SLC39A11: variants seen among roughly 807,000 people sequenced by gnomAD.
SLC39A11 encodes solute carrier family 39 member 11.
SLC39A11 carries 33 observed loss-of-function variants against 36.1 expected under a neutral mutation model. That is an observed-to-expected ratio of 0.91 (90% CI 0.69 to 1.22). The LOEUF (loss-of-function observed/expected upper bound fraction) is 1.22, where lower values mean the gene tolerates loss of function less well. Among genes scored for constraint, SLC39A11 ranks in the 50% most tolerant of loss-of-function variants. SLC39A11 has a pLI of 0.00. For missense variants in SLC39A11, 432 were observed against 430.3 expected (o/e 1.00, Z -0.03); for synonymous variants, 166 against 170.3 (o/e 0.97, Z 0.20).
intron 5 of SLC39A11, among the ~76,000 whole-genome samples, chr17:72,907,800 A>T (rs183956758): frequency 6.6e-6 from 1 of 152,292 alleles, no homozygotes; most frequent in African/African-American, 2.4e-5. Flanking sequence ...AAACCCACAG[A>T]ACTCTGCAGG....
At chr17:72,958,137 T>C (rs528224907) in intron 4 of SLC39A11, among the ~76,000 whole-genome samples, 125 of 152,328 alleles carry the variant, frequency 8.2e-4, no homozygotes, top group African/African-American at 2.8e-3. Flanking sequence ...TTTTAACAAA[T>C]GGTGCTGGGA....
intron 6 of SLC39A11, among the ~76,000 whole-genome samples, chr17:72,767,358 C>T (rs2075792618): frequency 6.6e-6 from 1 of 152,188 alleles, no homozygotes; most frequent in Admixed American, 6.5e-5. Flanking sequence ...GGGAGCTGGG[C>T]TGGACAGTGC....
At chr17:72,787,077 C>G (rs544675527) in intron 6 of SLC39A11, among the ~76,000 whole-genome samples, 173 of 152,204 alleles carry the variant, frequency 1.1e-3, no homozygotes, top group African/African-American at 3.8e-3. Context: ...TCCTCAGCCT[C>G]CCAAAGTGCT....
chr17:72,727,088 C>T (rs766703617), intron 7 of SLC39A11, among the ~76,000 whole-genome samples: 1 of 152,162 alleles, frequency 6.6e-6, no homozygotes, highest in African/African-American at 2.4e-5. Flanking sequence ...TCTCTTGACG[C>T]GTGCTTAGTC....
chr17:72,958,110 TGGGG>T (rs1434242429), intron 4 of SLC39A11, among the ~76,000 whole-genome samples: 2 of 151,862 alleles, frequency 1.3e-5, no homozygotes, highest in Non-Finnish European at 2.9e-5. Context: ...AAACATAAAG[TGGGG>T]AAAGGACACT....
chr17:72,900,020 AAG>A (rs1285737938), intron 5 of SLC39A11, among the ~76,000 whole-genome samples: 3 of 136,332 alleles, frequency 2.2e-5, no homozygotes, highest in Non-Finnish European at 3.2e-5. Flanking sequence ...GAGAGAGAGA[AAG>A]AGAGAGAGAG....
chr17:73,012,571 G>C (rs11077655), intron 4 of SLC39A11, among the ~76,000 whole-genome samples: 105,257 of 151,474 alleles, frequency 0.69, 40,856 homozygotes, highest in Non-Finnish European at 0.87. Context: ...GAATCAGGGG[G>C]TACGTGTGCG....
chr17:72,836,722 T>C (rs2078565150), intron 6 of SLC39A11, among the ~76,000 whole-genome samples: 1 of 152,180 alleles, frequency 6.6e-6, no homozygotes, highest in South Asian at 2.1e-4. Flanking sequence ...ATGTATGTGG[T>C]GCACTTTATA....
chr17:72,670,387 C>T (rs990929740), intron 7 of SLC39A11, among the ~76,000 whole-genome samples: 7 of 150,172 alleles, frequency 4.7e-5, no homozygotes, highest in African/African-American at 9.8e-5. Context: ...AAAAAAAATG[C>T]AAATATCCTG....
At chr17:72,672,443 T>C (rs1442728704) in intron 7 of SLC39A11, among the ~76,000 whole-genome samples, 1 of 152,190 alleles carries the variant, frequency 6.6e-6, no homozygotes, top group African/African-American at 2.4e-5. Context: ...AGTGAAACTC[T>C]GTCTCAAAAA....
At chr17:72,684,872 A>G (rs1265967476) in intron 7 of SLC39A11, among the ~76,000 whole-genome samples, 2 of 152,184 alleles carry the variant, frequency 1.3e-5, no homozygotes, top group Non-Finnish European at 2.9e-5. Context: ...AGTTGTCAGC[A>G]TATCTGGGCA....
At chr17:72,968,702 C>T (rs771168358) in intron 4 of SLC39A11, among the ~76,000 whole-genome samples, 3 of 152,258 alleles carry the variant, frequency 2.0e-5, no homozygotes, top group Admixed American at 1.3e-4. Flanking sequence ...AGGAAAAAAG[C>T]GTGGTGTTGA....
intron 4 of SLC39A11, among the ~76,000 whole-genome samples, chr17:72,981,126 C>T (rs914852728): frequency 6.6e-6 from 1 of 151,864 alleles, no homozygotes; most frequent in African/African-American, 2.4e-5. Flanking sequence ...ATTGTAATAA[C>T]ATATTTTATT....
intron 4 of SLC39A11, among the ~76,000 whole-genome samples, chr17:72,989,607 T>C (rs1388507155): frequency 6.6e-6 from 1 of 152,230 alleles, no homozygotes; most frequent in Non-Finnish European, 1.5e-5. Context: ...GGAAGTATGT[T>C]CATTTATAAT....
chr17:73,077,417 G>A (rs1041379736), intron 3 of SLC39A11, among the ~76,000 whole-genome samples: 3 of 152,132 alleles, frequency 2.0e-5, no homozygotes, highest in Non-Finnish European at 2.9e-5. Flanking sequence ...TCCCAGGCTC[G>A]AGCAATTCTC....
chr17:72,731,649 C>T (rs1485621236), intron 7 of SLC39A11, among the ~76,000 whole-genome samples: 2 of 152,086 alleles, frequency 1.3e-5, no homozygotes, highest in Non-Finnish European at 2.9e-5. Context: ...TCCCCTATCG[C>T]TAGCATCTCA....
chr17:72,880,164 G>C (rs2081121323), intron 5 of SLC39A11, among the ~76,000 whole-genome samples: 1 of 152,206 alleles, frequency 6.6e-6, no homozygotes, highest in South Asian at 2.1e-4. Context: ...CTCACACACT[G>C]CCTGGCACAT....
At chr17:72,822,777 C>T (rs991937586) in intron 6 of SLC39A11, among the ~76,000 whole-genome samples, 14 of 150,802 alleles carry the variant, frequency 9.3e-5, no homozygotes, top group Admixed American at 7.9e-4. Flanking sequence ...TGCAGTGGCA[C>T]GATCATAGCT....
chr17:72,705,415 G>T (rs1227942391), intron 7 of SLC39A11, among the ~76,000 whole-genome samples: 1 of 152,126 alleles, frequency 6.6e-6, no homozygotes, highest in Non-Finnish European at 1.5e-5. Context: ...TAATTTCATA[G>T]AATTGGTTCC....
Sources: allele counts gnomAD v4.1 joint callset (sites outside exome capture counted in the v4.1 genomes callset), GRCh38; gene constraint gnomAD v4.1.1; transcripts MANE v1.5; gene names NCBI Gene and HGNC (gene_info 2026-07-23, HGNC 2026-07-21).